Variants in PPP1R12A observed in about 807,000 individuals in gnomAD.
PPP1R12A encodes myosin binding subunit.
In PPP1R12A, 19 loss-of-function variants were observed where a neutral mutation model predicts 139.6. That is an observed-to-expected ratio of 0.14 (90% CI 0.09 to 0.20). The LOEUF (loss-of-function observed/expected upper bound fraction) is 0.20. PPP1R12A is among the 10% of genes least tolerant of loss of function. The probability of loss-of-function intolerance (pLI) is 1.00; values close to 1 mark genes in which losing one functional copy is unlikely to be tolerated. For missense variants in PPP1R12A, 925 were observed against 1,211.5 expected (o/e 0.76, Z 3.51); for synonymous variants, 427 against 420.6 (o/e 1.02, Z -0.19).
chr12:79,917,377 C>T (rs1887079374), intron 1 of PPP1R12A, among the ~76,000 whole-genome samples: 1 of 150,144 alleles, frequency 6.7e-6, no homozygotes, highest in Admixed American at 6.7e-5. Context: ...CCCAGCTACT[C>T]GGGAGGCTGA....
At chr12:79,817,916 A>C (rs1875605196) in intron 8 of PPP1R12A, among the ~76,000 whole-genome samples, 1 of 152,244 alleles carries the variant, frequency 6.6e-6, no homozygotes, top group Non-Finnish European at 1.5e-5. Context: ...TCTAAAACTG[A>C]TGGTTCCTCT....
intron 3 of PPP1R12A, among the ~76,000 whole-genome samples, chr12:79,832,804 A>T (rs1309962934): frequency 2.0e-5 from 3 of 150,126 alleles, no homozygotes; most frequent in Non-Finnish European, 3.0e-5. Flanking sequence ...TTTGGGCTAA[A>T]TTTTTTTTTT....
chr12:79,777,878 T>G (rs951638183), intron 24 of PPP1R12A, among the ~76,000 whole-genome samples: 11 of 152,160 alleles, frequency 7.2e-5, no homozygotes, highest in Non-Finnish European at 1.6e-4. Context: ...CATTCAATAA[T>G]GGTCTAATAA....
chr12:79,901,140 C>T (rs758134479), intron 1 of PPP1R12A, among the ~76,000 whole-genome samples: 1 of 152,134 alleles, frequency 6.6e-6, no homozygotes, highest in Non-Finnish European at 1.5e-5. Context: ...GGCTCTAGAT[C>T]GGGAACCAAT....
intron 4 of PPP1R12A, among the ~76,000 whole-genome samples, chr12:79,829,026 C>T (rs909694196): frequency 2.6e-5 from 4 of 151,986 alleles, no homozygotes; most frequent in African/African-American, 9.7e-5. Context: ...AAAACATATT[C>T]CAAGGAGTCG....
At chr12:79,933,452 A>C (rs1406813178) in intron 1 of PPP1R12A, among the ~76,000 whole-genome samples, 3 of 152,212 alleles carry the variant, frequency 2.0e-5, no homozygotes, top group Admixed American at 6.5e-5. Context: ...TCAACCTCCC[A>C]AACAAGTTTT....
At chr12:79,925,091 TAAA>T (rs925915830) in intron 1 of PPP1R12A, among the ~76,000 whole-genome samples, 3 of 152,120 alleles carry the variant, frequency 2.0e-5, no homozygotes, top group African/African-American at 7.2e-5. Context: ...GAGGATATTT[TAAA>T]AAAATGTTCT....
chr12:79,919,073 G>A (rs1195613135), intron 1 of PPP1R12A, among the ~76,000 whole-genome samples: 2 of 151,800 alleles, frequency 1.3e-5, no homozygotes, highest in African/African-American at 2.4e-5. Context: ...CTGAGATCAC[G>A]CCACTGTACT....
In PPP1R12A at chr12:79,774,912, G is replaced by A. The variant is rs1013639606; in HGVS notation, c.*1017C>T. Reference sequence around the variant, plus strand: ...CTGAAAATAAAAGCACTTTACAGTAGGAAACTTTTGTAAAGATAGGGCTCC... The same window carrying A: ...CTGAAAATAAAAGCACTTTACAGTAAGAAACTTTTGTAAAGATAGGGCTCC... On this transcript the variant is annotated 3_prime_UTR_variant, in exon 25 of 25. Coordinates refer to ENST00000450142, the MANE Select transcript of PPP1R12A (RefSeq NM_002480.3). 17 of 148,550 alleles carry A rather than the reference G, an allele frequency of 1.1e-4. No individual in the cohort carries two copies. The highest frequency in any genetic ancestry group is 4.4e-5 in the Non-Finnish European group (3 of 67,920). 9.2% of individuals were successfully genotyped at this position (148,550 alleles called of 1,614,324 possible). A position where few individuals can be genotyped will look rare whatever the true frequency, so the allele number is the denominator to read the frequency against.
intron 2 of PPP1R12A, among the ~76,000 whole-genome samples, chr12:79,869,139 A>G (rs1278898772): frequency 6.6e-6 from 1 of 152,192 alleles, no homozygotes; most frequent in Non-Finnish European, 1.5e-5. Flanking sequence ...AGAATAAGCA[A>G]AAGTTGAGGG....
chr12:79,892,589 A>G (rs1884757089), intron 1 of PPP1R12A, among the ~76,000 whole-genome samples: 1 of 152,198 alleles, frequency 6.6e-6, no homozygotes. Flanking sequence ...CTTCGATGCT[A>G]GTACTTTTAT....
chr12:79,861,423 C>T (rs1397627335), intron 2 of PPP1R12A, among the ~76,000 whole-genome samples: 2 of 152,198 alleles, frequency 1.3e-5, no homozygotes, highest in Non-Finnish European at 2.9e-5. Context: ...TTCTGCATTT[C>T]CAACTGAGGT....
At chr12:79,920,257 T>G (rs1377686681) in intron 1 of PPP1R12A, among the ~76,000 whole-genome samples, 1 of 152,262 alleles carries the variant, frequency 6.6e-6, no homozygotes, top group Non-Finnish European at 1.5e-5. Context: ...TATCACTTTA[T>G]TCATCAGCTG....
intron 4 of PPP1R12A, among the ~76,000 whole-genome samples, chr12:79,831,366 T>C (rs1309504929): frequency 6.6e-6 from 1 of 152,146 alleles, no homozygotes; most frequent in Non-Finnish European, 1.5e-5. Context: ...GCAGATCACT[T>C]GAGCCCAGGA....
At chr12:79,787,464 T>G (rs1871263748) in intron 21 of PPP1R12A, 1 of 152,248 alleles carries the variant, frequency 6.6e-6, no homozygotes, top group Admixed American at 6.5e-5. Flanking sequence ...TAACTATTAG[T>G]AATCCTTCCG....
chr12:79,921,332 T>C (rs966731656), intron 1 of PPP1R12A, among the ~76,000 whole-genome samples: 2 of 151,900 alleles, frequency 1.3e-5, no homozygotes, highest in African/African-American at 4.8e-5. Context: ...TGAAACTACA[T>C]AAATAACACA....
intron 3 of PPP1R12A, among the ~76,000 whole-genome samples, chr12:79,834,834 T>C (rs1877877690): frequency 6.6e-6 from 1 of 152,214 alleles, no homozygotes; most frequent in Non-Finnish European, 1.5e-5. Context: ...CTTGTTTTCC[T>C]ACACTAAGTG....
At chr12:79,827,481 G>C (rs144230620) in intron 5 of PPP1R12A, among the ~76,000 whole-genome samples, 52 of 152,150 alleles carry the variant, frequency 3.4e-4, no homozygotes, top group African/African-American at 1.3e-3. Context: ...ACATTCTATG[G>C]AAAGGTAATC....
intron 1 of PPP1R12A, among the ~76,000 whole-genome samples, chr12:79,893,546 A>G (rs1466378426): frequency 6.6e-6 from 1 of 152,194 alleles, no homozygotes; most frequent in Admixed American, 6.5e-5. Flanking sequence ...AACCTTGTCT[A>G]CAAGTATGAT....
Sources: gnomAD v4.1 joint callset for allele counts (sites outside exome capture counted in the v4.1 genomes callset) on GRCh38, gnomAD v4.1.1 for gene constraint, MANE v1.5 for transcripts, NCBI Gene and HGNC (gene_info 2026-07-23, HGNC 2026-07-21) for gene names.